The following NSUN4 variants were observed in gnomAD, a reference collection of about 807,000 sequenced individuals.
The protein encoded by NSUN4 is NOP2/Sun RNA methyltransferase 4, also known as 5-cytosine rRNA methyltransferase NSUN4.
In NSUN4, 31 loss-of-function variants were observed where a neutral mutation model predicts 43.8. The observed-to-expected ratio is 0.71, with a 90% CI of 0.53 to 0.96. NSUN4 has a LOEUF of 0.96. Ranked by LOEUF, NSUN4 falls within the 40% of genes least tolerant of loss-of-function variation. The probability of loss-of-function intolerance (pLI) is 0.00; values close to 1 mark genes in which losing one functional copy is unlikely to be tolerated. For missense variants in NSUN4, 439 were observed against 475.6 expected (o/e 0.92, Z 0.72); for synonymous variants, 167 against 184.1 (o/e 0.91, Z 0.75).
the NSUN4 span, among the ~76,000 whole-genome samples, chr1:46,383,828 C>G: frequency 0.037 from 5,542 of 151,308 alleles, 415 homozygotes; most frequent in East Asian, 0.3. Context: ...CTTTTTTTTT[C>G]TTCTCAGCAA....
chr1:46,342,869 C>T (rs1011870119), intron 1 of NSUN4: 2 of 399,940 alleles, frequency 5.0e-6, no homozygotes, highest in Non-Finnish European at 8.8e-6. Context: ...CTAAGGCCCA[C>T]ACCTGTCCCC....
At chr1:46,383,818 CT>C in the NSUN4 span, among the ~76,000 whole-genome samples, 2 of 151,476 alleles carry the variant, frequency 1.3e-5, no homozygotes, top group African/African-American at 2.4e-5. Flanking sequence ...ATAAAATTTT[CT>C]TTTTTTTTCT....
chr1:46,353,249 A>C (rs12385693), intron 4 of NSUN4, among the ~76,000 whole-genome samples: 34,102 of 152,110 alleles, frequency 0.22, 4,290 homozygotes, highest in Non-Finnish European at 0.29. Context: ...AGAATTTGAA[A>C]CTATTTGAGT....
the NSUN4 span, among the ~76,000 whole-genome samples, chr1:46,374,012 C>T: frequency 2.6e-4 from 39 of 151,884 alleles, no homozygotes; most frequent in African/African-American, 9.4e-4. Flanking sequence ...TCTAGCCGGG[C>T]GCAGTGGCTC....
chr1:46,344,872 GT>G lies in NSUN4; in HGVS notation c.168del (p.Phe56LeufsTer31), dbSNP rs1662369346. 1 of 1,614,106 alleles carries G rather than the reference GT, an allele frequency of 6.2e-7. No homozygotes were observed. The highest frequency in any genetic ancestry group is 1.1e-5 in the South Asian group (1 of 91,094). On this transcript the variant is annotated frameshift_variant, in exon 2 of 6. Transcript: ENST00000474844. LOFTEE classifies it high-confidence loss of function. ...QNFDMTYSVQFGDLWPSIRVS... is the reference protein window; with the variant it reads ...QNFDMTYSVQXGDLWPSIRVS... ...ATTTTGACATGACTTACAGTGTGCA[GT>G]TTGGAGATCTTTGGCCATCAATCCG... is the stretch of plus-strand genomic sequence containing the variant.
At chr1:46,354,318 C>T (rs1199810594) in intron 4 of NSUN4, among the ~76,000 whole-genome samples, 7 of 151,556 alleles carry the variant, frequency 4.6e-5, no homozygotes, top group East Asian at 3.9e-4. Context: ...AGGCTGGCCT[C>T]GAACTCCTGG....
chr1:46,360,228 C>CAAA lies in NSUN4; in HGVS notation c.754-456_754-454dup, dbSNP rs1240539714. 2.4e-3 allele frequency among the ~76,000 whole-genome samples: 84 copies of CAAA among 35,012 alleles called. 2 individuals are homozygous for CAAA. Among genetic ancestry groups the CAAA allele is most frequent in the African/African-American group, 3.2e-3 (19 of 5,856 alleles). The allele number at this position is 35,012 out of a possible 152,430, so 23.0% of individuals were successfully genotyped here. On this transcript the variant is annotated intron_variant, in intron 4 of 5. Transcript: ENST00000474844. ...TGGGCGACAGAGCAAGACTCCATCT[C>CAAA]AAAAAAAAAAAAAAAAAAAAAATAT... is the stretch of plus-strand genomic sequence containing the variant.
chr1:46,360,249 A>AAAAAAAAAATATAT (rs1553177947), intron 4 of NSUN4, among the ~76,000 whole-genome samples: 2 of 25,770 alleles, frequency 7.8e-5, no homozygotes, highest in African/African-American at 1.3e-4. Context: ...AAAAAAAAAA[A>AAAAAAAAAATATAT]ATATATATAT....
intron 1 of NSUN4, 66 bp downstream of exon 1, chr1:46,340,985 C>G: frequency 7.0e-7 from 1 of 1,431,064 alleles, no homozygotes; most frequent in East Asian, 2.5e-5. Flanking sequence ...CTTTCCGTTT[C>G]CCGGCCCTCT....
At position 46,352,961 on chromosome 1, in the gene NSUN4, A is replaced by C; in HGVS notation, c.686A>C (p.Asn229Thr). ...SYVPEEIRDGNQVRVTSWDGR... is the reference protein window; with the variant it reads ...SYVPEEIRDGTQVRVTSWDGR... ...GTGCCTGAAGAGATCAGGGATGGAA[A>C]TCAAGTTCGAGTTACCTCATGGGAT... is the stretch of plus-strand genomic sequence containing the variant. The change falls in exon 4 of 6, where the codon AAT (asparagine) becomes ACT (threonine). Residue 229 changes from asparagine (N) to threonine (T), a missense_variant. Coordinates refer to ENST00000474844, the MANE Select transcript of NSUN4 (RefSeq NM_199044.4). 6.2e-7 allele frequency: 1 copy of C among 1,614,222 alleles called. No homozygotes were observed. The highest frequency in any genetic ancestry group is 8.5e-7 in the Non-Finnish European group (1 of 1,180,028).
chr1:46,365,632 G>A (rs571422773), downstream of NSUN4, among the ~76,000 whole-genome samples: 41 of 152,202 alleles, frequency 2.7e-4, no homozygotes, highest in African/African-American at 8.9e-4. Context: ...GTGAACCACT[G>A]TGCCCAGCCC....
rs760227421 is a variant in NSUN4, at chr1:46,344,894, A to G, written c.187A>G (p.Ile63Val). The G allele has an allele frequency of 8.1e-6, 13 of 1,614,204 alleles. No individual in the cohort carries two copies. Among genetic ancestry groups the G allele is most frequent in the Non-Finnish European group, 1.0e-5 (12 of 1,180,028 alleles). ...GCAGTTTGGAGATCTTTGGCCATCA[A>G]TCCGTGTCAGTCTCCTCTCAGAGCA... is the stretch of plus-strand genomic sequence containing the variant. ...SVQFGDLWPS[I>V]RVSLLSEQKY... Residue 63 changes from isoleucine (I) to valine (V), a missense_variant, in exon 2 of 6, where the codon ATC becomes GTC. Transcript: ENST00000474844.
At chr1:46,346,174 T>G (rs1662480423) in intron 2 of NSUN4, among the ~76,000 whole-genome samples, 1 of 144,086 alleles carries the variant, frequency 6.9e-6, no homozygotes, top group Non-Finnish European at 1.5e-5. Flanking sequence ...AAAAAAATTA[T>G]CTACCAAATG....
chr1:46,368,293 T>C (rs1290921692), downstream of NSUN4, among the ~76,000 whole-genome samples: 1 of 152,152 alleles, frequency 6.6e-6, no homozygotes, highest in African/African-American at 2.4e-5. Context: ...CCTGTCCCAG[T>C]ACAATGTGAC....
the NSUN4 span, among the ~76,000 whole-genome samples, chr1:46,374,289 CAA>C: frequency 7.0e-5 from 3 of 42,906 alleles, no homozygotes; most frequent in Non-Finnish European, 8.6e-5. Flanking sequence ...TCTGTCTCAC[CAA>C]AAAAAAAAAA....
At chr1:46,351,778 C>T (rs989156516) in intron 3 of NSUN4, among the ~76,000 whole-genome samples, 2 of 150,050 alleles carry the variant, frequency 1.3e-5, no homozygotes, top group African/African-American at 2.5e-5. Flanking sequence ...CTTTCCCCTG[C>T]CTCAGCCTCC....
At chr1:46,376,265 C>T in the NSUN4 span, among the ~76,000 whole-genome samples, 3 of 151,612 alleles carry the variant, frequency 2.0e-5, no homozygotes, top group South Asian at 4.2e-4. Context: ...AAAAAATAGA[C>T]GGGTGTAGTG....
the NSUN4 span, among the ~76,000 whole-genome samples, chr1:46,376,080 G>A: frequency 9.3e-6 from 1 of 107,656 alleles, no homozygotes; most frequent in Admixed American, 1.3e-4. Flanking sequence ...TCCAGCCTGG[G>A]CAACAAGAGC....
At chr1:46,341,540 C>T (rs1311575855) in intron 1 of NSUN4, 4 of 1,116,824 alleles carry the variant, frequency 3.6e-6, no homozygotes, top group Non-Finnish European at 4.4e-6. Context: ...CTTGCTTCTC[C>T]AGAGACCCTT....
Sources: gnomAD v4.1 joint callset for allele counts (sites outside exome capture counted in the v4.1 genomes callset) on GRCh38, gnomAD v4.1.1 for gene constraint, MANE v1.5 for transcripts, NCBI Gene and HGNC (gene_info 2026-07-23, HGNC 2026-07-21) for gene names.